The following PIGN variants were observed in gnomAD, a reference collection of about 807,000 sequenced individuals.
PIGN encodes phosphatidylinositol glycan anchor biosynthesis class N.
In PIGN, 117 loss-of-function variants were observed where a neutral mutation model predicts 125.4. The observed-to-expected ratio is 0.93, with a 90% CI of 0.80 to 1.09. The LOEUF (loss-of-function observed/expected upper bound fraction) is 1.09, where lower values mean the gene tolerates loss of function less well. Among genes scored for constraint, PIGN ranks in the 50% least tolerant of loss-of-function variants. The probability of loss-of-function intolerance (pLI) is 0.00; values close to 1 mark genes in which losing one functional copy is unlikely to be tolerated. For missense variants in PIGN, 1,075 were observed against 1,094.9 expected (o/e 0.98, Z 0.26); for synonymous variants, 392 against 377.8 (o/e 1.04, Z -0.44).
rs71160811 is a variant in PIGN, at chr18:62,062,882, C to CTTTTTTTTTTTTTTTTTTTTTTTTTT, written c.2672+9765_2672+9790dup. Among the ~76,000 whole-genome samples, 17 of 21,066 alleles carry CTTTTTTTTTTTTTTTTTTTTTTTTTT rather than the reference C, an allele frequency of 8.1e-4. 1 individual carries two copies. Among genetic ancestry groups the CTTTTTTTTTTTTTTTTTTTTTTTTTT allele is most frequent in the Non-Finnish European group, 9.5e-4 (12 of 12,684 alleles). 13.8% of individuals were successfully genotyped at this position (21,066 alleles called of 152,430 possible). ...ATTTGTTTTATGCTTTTGTATTCTGCTTTTTTTTTTTTTTTTTTTTTTTTT... is the reference window on the plus strand; with the variant it reads ...ATTTGTTTTATGCTTTTGTATTCTGCTTTTTTTTTTTTTTTTTTTTTTTTTTTTTTTTTTTTTTTTTTTTTTTTTTT... On this transcript the variant is annotated intron_variant, in intron 30 of 30. Coordinates refer to ENST00000640252, the MANE Select transcript of PIGN (RefSeq NM_176787.5).
In PIGN at chr18:62,109,645, A is replaced by G. The variant is rs520012; in HGVS notation, c.1574+189T>C. ...AGATGAAGTCAAAAGGGAAAAGTAC[A>G]ACAGAAAGAATGTTTATATCCTACT... On this transcript the variant is annotated intron_variant, in intron 17 of 30. Transcript: ENST00000640252. 0.24 allele frequency among the ~76,000 whole-genome samples: 37,126 copies of G among 152,132 alleles called. 4,669 individuals are homozygous for G. The highest frequency in any genetic ancestry group is 0.27 in the Non-Finnish European group (18,455 of 67,974).
chr18:62,107,359 CT>C, intron 17 of PIGN: 12 of 340,054 alleles, frequency 3.5e-5, no homozygotes, highest in Non-Finnish European at 6.7e-5. Flanking sequence ...CTTTGGGAGG[CT>C]GAAGAGGGCG....
intron 19 of PIGN, 43 bp downstream of exon 19, chr18:62,106,746 A>G: frequency 7.8e-7 from 1 of 1,277,982 alleles, no homozygotes; most frequent in South Asian, 1.3e-5. Context: ...TGTCAAAACA[A>G]AGTAGTTACT....
At chr18:62,172,336 T>A (rs2037371388) in intron 1 of PIGN, among the ~76,000 whole-genome samples, 1 of 152,144 alleles carries the variant, frequency 6.6e-6, no homozygotes, top group South Asian at 2.1e-4. Flanking sequence ...CATTAGTTAT[T>A]CAAAATAAGT....
Position 62,145,768 on chromosome 18 carries a change from T to A in PIGN, c.922+141A>T, listed in dbSNP as rs2036304182. The A allele has an allele frequency of 1.4e-5, 8 of 563,756 alleles. No homozygotes were observed. The South Asian group carries it at 1.8e-4, about 13-fold the overall frequency. 34.9% of individuals were successfully genotyped at this position (563,756 alleles called of 1,614,324 possible). The stretch of plus-strand genomic sequence containing the variant: ...GAGAGAAGCCAACAACCCCTTGTAG[T>A]GTTTGTATAGAAATAGTAATGGCAC... On this transcript the variant is annotated intron_variant, in intron 10 of 30. Coordinates refer to ENST00000640252, the MANE Select transcript of PIGN (RefSeq NM_176787.5).
At chr18:62,019,835 A>C (rs1018723487) in intron 23 of PIGN, among the ~76,000 whole-genome samples, 2 of 152,376 alleles carry the variant, frequency 1.3e-5, no homozygotes, top group African/African-American at 4.8e-5. Flanking sequence ...AGGAGGCACA[A>C]GACTGTGGTC....
rs138646730 is a variant in PIGN, at chr18:62,070,897, C to G, written c.2672+1776G>C. Among the ~76,000 whole-genome samples the G allele has an allele frequency of 5.9e-5, 9 of 152,178 alleles. No individual in the cohort carries two copies. In the East Asian group the frequency reaches 1.7e-3, roughly 29 times the overall value. On this transcript the variant is annotated intron_variant, in intron 30 of 30. Transcript: ENST00000640252. ...TGGCTCACTAAACTCTTTTGACCTCCCAGGCTCAAGCACTTTTTCTGCCTT... is the reference window on the plus strand; with the variant it reads ...TGGCTCACTAAACTCTTTTGACCTCGCAGGCTCAAGCACTTTTTCTGCCTT...
intron 1 of PIGN, among the ~76,000 whole-genome samples, chr18:62,171,619 C>T (rs2037347092): frequency 6.6e-6 from 1 of 152,104 alleles, no homozygotes; most frequent in African/African-American, 2.4e-5. Context: ...TTTCCTTTTA[C>T]TCCTAATATG....
In PIGN at chr18:62,163,610, G is replaced by C. The variant is rs1004851360; in HGVS notation, c.-189C>G. 3 of 152,080 alleles carry C rather than the reference G, an allele frequency of 2.0e-5. No homozygotes were observed. Among genetic ancestry groups the C allele is most frequent in the Non-Finnish European group, 4.4e-5 (3 of 68,008 alleles). 9.4% of individuals were successfully genotyped at this position (152,080 alleles called of 1,614,324 possible). A position where few individuals can be genotyped will look rare whatever the true frequency, so the allele number is the denominator to read the frequency against. On this transcript the variant is annotated 5_prime_UTR_variant, in exon 2 of 31. Transcript: ENST00000640252. Reference sequence around the variant, plus strand: ...TGTTCAAAATTATAGGTCTCCAAAGGCTACAGCTCATCTCACTTTGCACAG... The same window carrying C: ...TGTTCAAAATTATAGGTCTCCAAAGCCTACAGCTCATCTCACTTTGCACAG...
At position 62,083,461 on chromosome 18, in the gene PIGN, T is replaced by A. The variant is rs183456760; in HGVS notation, c.2503-715A>T. 3.1e-3 allele frequency among the ~76,000 whole-genome samples: 473 copies of A among 152,242 alleles called. 3 individuals carry two copies. The highest frequency in any genetic ancestry group is 0.011 in the African/African-American group (444 of 41,562). ...GATGTTCAAGGCAGCATACAGTTCT[T>A]TTTCAAGTGAAGGACATATGAATAA... On this transcript the variant is annotated intron_variant, in intron 27 of 30. Transcript: ENST00000640252.
intron 30 of PIGN, among the ~76,000 whole-genome samples, chr18:62,057,939 A>T (rs1372561170): frequency 6.6e-6 from 1 of 152,194 alleles, no homozygotes; most frequent in African/African-American, 2.4e-5. Flanking sequence ...GGACATAAAC[A>T]GGCACACTCT....
At chr18:62,145,865 T>C in intron 10 of PIGN, 44 bp downstream of exon 10, 2 of 950,162 alleles carry the variant, frequency 2.1e-6, no homozygotes, top group Non-Finnish European at 1.7e-6. Context: ...TTTGTTCTTA[T>C]TTTAAGAGGT....
At chr18:62,132,355 T>C (rs56284644) in intron 14 of PIGN, among the ~76,000 whole-genome samples, 36,167 of 152,142 alleles carry the variant, frequency 0.24, 4,552 homozygotes, top group Middle Eastern at 0.38. Flanking sequence ...TCAATGCCCT[T>C]AAATATTCTA....
chr18:62,095,031 C>A (rs777116689), intron 23 of PIGN, among the ~76,000 whole-genome samples: 23 of 152,144 alleles, frequency 1.5e-4, no homozygotes, highest in Non-Finnish European at 3.2e-4. Context: ...CCCCAAATGG[C>A]TTTACAAAAT....
chr18:62,142,863 AT>A (rs1338764138), intron 11 of PIGN, among the ~76,000 whole-genome samples: 14 of 152,124 alleles, frequency 9.2e-5, no homozygotes, highest in African/African-American at 1.4e-4. Flanking sequence ...TAATCTCATC[AT>A]TTTTTTCCCC....
intron 1 of PIGN, among the ~76,000 whole-genome samples, chr18:62,171,056 T>C (rs2037329746): frequency 6.6e-6 from 1 of 152,128 alleles, no homozygotes; most frequent in African/African-American, 2.4e-5. Flanking sequence ...GACATTCTGT[T>C]TGGAATGGAG....
Position 62,139,013 on chromosome 18 carries a change from T to C in PIGN, c.1086A>G (p.Thr362=). The change falls in exon 13 of 31, where the codon ACA becomes ACG. Residue 362 remains threonine (T), a synonymous_variant. Transcript: ENST00000640252. ...TDLFKAESMF[T]NAVQILEQFK... is the part of the protein sequence containing the mutation. ...ACTGTTCAAGAATCTGTACTGCATT[T>C]GTAAACATGCTCTCTGCTTTGAAGA... The C allele has an allele frequency of 6.2e-7, 1 of 1,609,946 alleles. No homozygotes were observed. The highest frequency in any genetic ancestry group is 1.1e-5 in the South Asian group (1 of 90,448).
At chr18:62,107,144 T>C (rs1274001313) in intron 17 of PIGN, 59 bp from the exon 18 acceptor site, 5 of 1,068,882 alleles carry the variant, frequency 4.7e-6, no homozygotes, top group South Asian at 1.4e-5. Flanking sequence ...AGTATAACAA[T>C]ACAAACTTTG....
At chr18:62,070,386 G>A (rs929952196) in intron 30 of PIGN, 6 of 398,468 alleles carry the variant, frequency 1.5e-5, no homozygotes, top group East Asian at 7.1e-5. Context: ...TACCTTTTAC[G>A]TACCAAGCAC....
Sources: gnomAD v4.1 joint callset for allele counts (sites outside exome capture counted in the v4.1 genomes callset) on GRCh38, gnomAD v4.1.1 for gene constraint, MANE v1.5 for transcripts, NCBI Gene and HGNC (gene_info 2026-07-23, HGNC 2026-07-21) for gene names.